The following KCNQ5 variants were observed in gnomAD, a reference collection of about 807,000 sequenced individuals.
KCNQ5 encodes potassium voltage-gated channel subfamily Q member 5.
A neutral mutation model predicts 98.2 loss-of-function variants in KCNQ5; 30 were observed. The observed-to-expected ratio is 0.31, with a 90% CI of 0.23 to 0.41. The LOEUF (loss-of-function observed/expected upper bound fraction) is 0.41, where lower values mean the gene tolerates loss of function less well. Among genes scored for constraint, KCNQ5 ranks in the 10% least tolerant of loss-of-function variants. KCNQ5 has a pLI of 1.00. For synonymous variants in KCNQ5, 458 were observed against 449.4 expected (o/e 1.02, Z -0.24); for missense variants, 835 against 1,182.5 (o/e 0.71, Z 4.31).
At chr6:72,934,454 T>C (rs758279258) in intron 1 of KCNQ5, among the ~76,000 whole-genome samples, 2 of 152,118 alleles carry the variant, frequency 1.3e-5, no homozygotes, top group Admixed American at 6.5e-5. Context: ...TATCCTACAT[T>C]TATAAGTGTA....
chr6:72,759,361 G>A (rs75160409), intron 1 of KCNQ5, among the ~76,000 whole-genome samples: 2,178 of 151,978 alleles, frequency 0.014, 44 homozygotes, highest in African/African-American at 0.05. Context: ...CAGTTATAAG[G>A]GAAAAAAAAT....
chr6:72,823,849 T>C (rs1775869225), intron 1 of KCNQ5, among the ~76,000 whole-genome samples: 1 of 152,196 alleles, frequency 6.6e-6, no homozygotes, highest in Non-Finnish European at 1.5e-5. Flanking sequence ...GACAACACAT[T>C]CAAATACATT....
At chr6:72,809,928 T>G (rs567499612) in intron 1 of KCNQ5, among the ~76,000 whole-genome samples, 14 of 152,292 alleles carry the variant, frequency 9.2e-5, no homozygotes, top group African/African-American at 3.4e-4. Context: ...CAGTTGCCAA[T>G]AAGCAGTATT....
At chr6:72,792,031 T>C (rs1417517620) in intron 1 of KCNQ5, among the ~76,000 whole-genome samples, 5 of 152,176 alleles carry the variant, frequency 3.3e-5, no homozygotes, top group Admixed American at 3.3e-4. Context: ...AGAAAACATA[T>C]TGAGACTCCC....
intron 3 of KCNQ5, among the ~76,000 whole-genome samples, chr6:73,068,463 A>G (rs928313359): frequency 2.0e-5 from 3 of 152,246 alleles, no homozygotes; most frequent in African/African-American, 7.2e-5. Context: ...TGGTAATAAT[A>G]ATAGTAATAA....
chr6:72,743,053 G>T (rs143864800), intron 1 of KCNQ5, among the ~76,000 whole-genome samples: 2 of 152,244 alleles, frequency 1.3e-5, no homozygotes, highest in African/African-American at 4.8e-5. Flanking sequence ...CATGTGAAAG[G>T]CTAGTCAGTC....
intron 1 of KCNQ5, among the ~76,000 whole-genome samples, chr6:72,746,093 A>G (rs1213361981): frequency 8.8e-6 from 1 of 113,386 alleles, no homozygotes; most frequent in East Asian, 2.9e-4. Context: ...AAAAAAAAAA[A>G]AAAAAAAAAA....
chr6:72,930,098 C>T (rs1459512431), intron 1 of KCNQ5, among the ~76,000 whole-genome samples: 3 of 151,686 alleles, frequency 2.0e-5, no homozygotes, highest in Non-Finnish European at 4.4e-5. Flanking sequence ...TTTAAGCTTT[C>T]TTAAGTCATC....
At chr6:73,080,633 A>G (rs1773725302) in intron 5 of KCNQ5, among the ~76,000 whole-genome samples, 1 of 152,224 alleles carries the variant, frequency 6.6e-6, no homozygotes, top group Non-Finnish European at 1.5e-5. Context: ...CGCATGTTGC[A>G]CCTAATGGAA....
At chr6:73,145,967 G>A (rs1183457030) in intron 10 of KCNQ5, among the ~76,000 whole-genome samples, 1 of 152,024 alleles carries the variant, frequency 6.6e-6, no homozygotes, top group East Asian at 1.9e-4. Context: ...AGGGGGAAGT[G>A]CCACACTTTT....
chr6:73,105,989 T>C (rs1012111612), intron 6 of KCNQ5, among the ~76,000 whole-genome samples: 1 of 152,188 alleles, frequency 6.6e-6, no homozygotes, highest in Admixed American at 6.5e-5. Flanking sequence ...AAGGCAGCTG[T>C]TCAAAATATT....
chr6:72,849,111 CACAT>C (rs1242041084), intron 1 of KCNQ5, among the ~76,000 whole-genome samples: 53 of 125,162 alleles, frequency 4.2e-4, no homozygotes, highest in African/African-American at 1.6e-3. Context: ...AGCGTATGTA[CACAT>C]ACACACACAC....
At chr6:72,737,021 C>A (rs527956892) in intron 1 of KCNQ5, among the ~76,000 whole-genome samples, 9 of 151,976 alleles carry the variant, frequency 5.9e-5, no homozygotes, top group African/African-American at 1.9e-4. Flanking sequence ...GGAACAGTGG[C>A]GCGATCTCAG....
At chr6:72,797,502 CAAAA>C (rs543983897) in intron 1 of KCNQ5, among the ~76,000 whole-genome samples, 2 of 87,382 alleles carry the variant, frequency 2.3e-5, no homozygotes, top group Non-Finnish European at 2.7e-5. Context: ...AAGACCCTGC[CAAAA>C]AAAAAAAAAA....
At chr6:72,742,743 A>G (rs1396090282) in intron 1 of KCNQ5, among the ~76,000 whole-genome samples, 1 of 152,236 alleles carries the variant, frequency 6.6e-6, no homozygotes, top group African/African-American at 2.4e-5. Flanking sequence ...TTCAGAAACA[A>G]GCAGCAGTGA....
chr6:73,035,822 C>A (rs1005714683), intron 2 of KCNQ5, among the ~76,000 whole-genome samples: 10 of 152,146 alleles, frequency 6.6e-5, no homozygotes, highest in African/African-American at 2.4e-4. Flanking sequence ...TGTAGATTCA[C>A]ATGCAGTTGT....
At chr6:73,142,158 T>C (rs1776744295) in intron 10 of KCNQ5, among the ~76,000 whole-genome samples, 1 of 152,156 alleles carries the variant, frequency 6.6e-6, no homozygotes, top group African/African-American at 2.4e-5. Flanking sequence ...CTGCAGTCTT[T>C]TATGACATAA....
chr6:72,758,262 C>T (rs79541230), intron 1 of KCNQ5, among the ~76,000 whole-genome samples: 4,142 of 152,180 alleles, frequency 0.027, 70 homozygotes, highest in Middle Eastern at 0.044. Flanking sequence ...GTTTCACATG[C>T]AATTAACTTA....
At chr6:72,838,949 CAAAAAAAAAAAA>C (rs67894922) in intron 1 of KCNQ5, among the ~76,000 whole-genome samples, 1 of 58,712 alleles carries the variant, frequency 1.7e-5, no homozygotes, top group Admixed American at 2.0e-4. Context: ...GACTCCGTCT[CAAAAAAAAAAAA>C]AAAAAAAAAA....
Sources: gnomAD v4.1 joint callset for allele counts (sites outside exome capture counted in the v4.1 genomes callset) on GRCh38, gnomAD v4.1.1 for gene constraint, MANE v1.5 for transcripts, NCBI Gene and HGNC (gene_info 2026-07-23, HGNC 2026-07-21) for gene names.